The following LRRTM4 variants were observed in gnomAD, a reference collection of about 807,000 sequenced individuals.
The protein encoded by LRRTM4 is leucine rich repeat transmembrane neuronal 4.
LRRTM4 carries 25 observed loss-of-function variants against 47.6 expected under a neutral mutation model. That is an observed-to-expected ratio of 0.53 (90% CI 0.38 to 0.73). The LOEUF (loss-of-function observed/expected upper bound fraction) is 0.73. Ranked by LOEUF, LRRTM4 falls within the 30% of genes least tolerant of loss-of-function variation. LRRTM4 has a pLI of 0.00. For synonymous variants in LRRTM4, 311 were observed against 269.5 expected (o/e 1.15, Z -1.51); for missense variants, 638 against 713.4 (o/e 0.89, Z 1.20).
intron 3 of LRRTM4, among the ~76,000 whole-genome samples, chr2:76,869,143 T>TA (rs1672551730): frequency 6.6e-6 from 1 of 152,010 alleles, no homozygotes; most frequent in South Asian, 2.1e-4. Flanking sequence ...ACCCCGTCTC[T>TA]ACTAAAAATA....
chr2:76,755,335 T>G (rs897744256), intron 3 of LRRTM4, among the ~76,000 whole-genome samples: 1 of 152,174 alleles, frequency 6.6e-6, no homozygotes. Flanking sequence ...TACAACACTA[T>G]TTTGAGAAAG....
At chr2:76,858,754 C>T (rs1380285485) in intron 3 of LRRTM4, among the ~76,000 whole-genome samples, 1 of 152,166 alleles carries the variant, frequency 6.6e-6, no homozygotes, top group African/African-American at 2.4e-5. Flanking sequence ...ATATGGATCT[C>T]TATCACCTTA....
intron 3 of LRRTM4, among the ~76,000 whole-genome samples, chr2:76,908,368 A>G (rs1443774204): frequency 7.2e-5 from 11 of 151,998 alleles, no homozygotes; most frequent in Admixed American, 6.5e-5. Flanking sequence ...TATCTATGAC[A>G]AACCCACAGC....
chr2:76,841,951 T>A (rs996209478), intron 3 of LRRTM4, among the ~76,000 whole-genome samples: 36 of 152,086 alleles, frequency 2.4e-4, no homozygotes, highest in African/African-American at 8.7e-4. Context: ...AAGGCAAAAT[T>A]TGGACATTTC....
chr2:76,795,125 C>CAATAATATT (rs1358129281), intron 3 of LRRTM4, among the ~76,000 whole-genome samples: 1 of 151,586 alleles, frequency 6.6e-6, no homozygotes, highest in African/African-American at 2.4e-5. Context: ...GATTTACTAA[C>CAATAATATT]AATAATATTA....
At chr2:76,901,884 T>A (rs1268599112) in intron 3 of LRRTM4, among the ~76,000 whole-genome samples, 2 of 152,178 alleles carry the variant, frequency 1.3e-5, no homozygotes, top group Non-Finnish European at 2.9e-5. Flanking sequence ...AGGAGTATCA[T>A]TTTAACTTCT....
At chr2:77,088,988 ACT>A (rs1345049913) in intron 3 of LRRTM4, among the ~76,000 whole-genome samples, 2 of 151,642 alleles carry the variant, frequency 1.3e-5, no homozygotes, top group African/African-American at 4.9e-5. Flanking sequence ...TGGACCCAAA[ACT>A]CCGGCGCCGG....
chr2:76,791,510 G>C (rs1230629279), intron 3 of LRRTM4, among the ~76,000 whole-genome samples: 1 of 152,188 alleles, frequency 6.6e-6, no homozygotes, highest in Non-Finnish European at 1.5e-5. Flanking sequence ...AGGGACTCGA[G>C]TATTTAGGAA....
intron 3 of LRRTM4, among the ~76,000 whole-genome samples, chr2:77,498,674 C>T (rs1678454967): frequency 6.6e-6 from 1 of 151,802 alleles, no homozygotes; most frequent in African/African-American, 2.4e-5. Flanking sequence ...CTAGCATGTA[C>T]TTACTTACTC....
chr2:77,173,865 C>A (rs113978229), intron 3 of LRRTM4, among the ~76,000 whole-genome samples: 2 of 152,062 alleles, frequency 1.3e-5, no homozygotes, highest in Non-Finnish European at 2.9e-5. Flanking sequence ...GTGTTTGGAG[C>A]AGTACTATTA....
Position 77,127,094 on chromosome 2 carries a change from T to A in LRRTM4, c.1552-378178A>T, listed in dbSNP as rs375537237. 3.3e-5 allele frequency among the ~76,000 whole-genome samples: 5 copies of A among 152,202 alleles called. No homozygotes were observed. In the South Asian group the frequency reaches 1.0e-3, roughly 31 times the overall value. ...ATATACTGAAAACACTTATGTGATA[T>A]GTCATAGTTTCTTGTTTTCATTTCT... is the stretch of plus-strand genomic sequence containing the variant. On this transcript the variant is annotated intron_variant, in intron 3 of 3. Coordinates refer to ENST00000409884, the MANE Select transcript of LRRTM4 (RefSeq NM_001134745.3).
intron 3 of LRRTM4, among the ~76,000 whole-genome samples, chr2:76,890,359 C>A (rs1186833627): frequency 6.6e-6 from 1 of 151,918 alleles, no homozygotes; most frequent in Non-Finnish European, 1.5e-5. Flanking sequence ...GACATTATGT[C>A]CTTACCATCT....
rs34456976 is a variant in LRRTM4 at position 77,010,501 on chromosome 2, TACACACACACACACACAC to T, written c.1552-261603_1552-261586del. 1.4e-3 allele frequency among the ~76,000 whole-genome samples: 194 copies of T among 139,920 alleles called. 1 individual carries two copies. The highest frequency in any genetic ancestry group is 4.6e-3 in the African/African-American group (175 of 38,120). The allele number at this position is 139,920 out of a possible 152,430, so 91.8% of individuals were successfully genotyped here. ...TAAGGCAGAATAGAATTGTATTGTT[TACACACACACACACACAC>T]ACACACACACACACACACACACACA... On this transcript the variant is annotated intron_variant, in intron 3 of 3. Coordinates refer to ENST00000409884, the MANE Select transcript of LRRTM4 (RefSeq NM_001134745.3).
intron 3 of LRRTM4, among the ~76,000 whole-genome samples, chr2:77,072,526 A>G (rs56050325): frequency 0.41 from 61,952 of 151,910 alleles, 14,920 homozygotes; most frequent in East Asian, 0.68. Context: ...GGCCAGACAC[A>G]GTGGCTCATG....
intron 3 of LRRTM4, among the ~76,000 whole-genome samples, chr2:77,115,873 A>T (rs1484785730): frequency 1.6e-4 from 25 of 151,906 alleles, no homozygotes; most frequent in Non-Finnish European, 2.9e-5. Flanking sequence ...CATACTAGAG[A>T]TCTCTATGTA....
chr2:77,401,579 G>A (rs577422456), intron 3 of LRRTM4, among the ~76,000 whole-genome samples: 39 of 151,880 alleles, frequency 2.6e-4, no homozygotes, highest in African/African-American at 9.2e-4. Context: ...CAGATAAGAG[G>A]TGCTAAATTT....
chr2:76,905,248 G>A (rs1402047128), intron 3 of LRRTM4, among the ~76,000 whole-genome samples: 1 of 152,182 alleles, frequency 6.6e-6, no homozygotes, highest in African/African-American at 2.4e-5. Context: ...AAGGTCTGGA[G>A]TGGACCTCTA....
chr2:76,967,883 T>C (rs1394639887), intron 3 of LRRTM4, among the ~76,000 whole-genome samples: 1 of 151,540 alleles, frequency 6.6e-6, no homozygotes, highest in Non-Finnish European at 1.5e-5. Flanking sequence ...CTCTGGCTAA[T>C]GGGCTTGAAG....
intron 3 of LRRTM4, among the ~76,000 whole-genome samples, chr2:76,960,311 CAT>C (rs150599960): frequency 0.015 from 2,294 of 151,698 alleles, 58 homozygotes; most frequent in African/African-American, 0.053. Flanking sequence ...AAACATAAAA[CAT>C]AAACAGTGGA....
Sources: gnomAD v4.1 joint callset for allele counts (sites outside exome capture counted in the v4.1 genomes callset) on GRCh38, gnomAD v4.1.1 for gene constraint, MANE v1.5 for transcripts, NCBI Gene and HGNC (gene_info 2026-07-23, HGNC 2026-07-21) for gene names.